Variants in SV2C observed in about 807,000 individuals in gnomAD.
SV2C encodes the protein solute carrier family 22 member B3.
Under a neutral mutation model 79.7 loss-of-function variants are expected in SV2C, and 49 were observed. That is an observed-to-expected ratio of 0.61 (90% CI 0.49 to 0.78). SV2C has a LOEUF of 0.78. Ranked by LOEUF, SV2C falls within the 30% of genes least tolerant of loss-of-function variation. The pLI, the probability that SV2C is intolerant of heterozygous loss-of-function variation, is 0.00. For synonymous variants in SV2C, 334 were observed against 333.2 expected, an observed-to-expected ratio of 1.00 and a Z score of -0.03; for missense variants, 833 against 912.9, an observed-to-expected ratio of 0.91 and a Z score of 1.13.
the SV2C span, among the ~76,000 whole-genome samples, chr5:75,968,092 C>A: frequency 7.9e-5 from 12 of 152,218 alleles, no homozygotes; most frequent in Non-Finnish European, 1.5e-4. Flanking sequence ...CAAACTCCAA[C>A]AGACCTGCAG....
At chr5:76,238,878 T>C (rs566204950) in intron 4 of SV2C, among the ~76,000 whole-genome samples, 62 of 152,332 alleles carry the variant, frequency 4.1e-4, no homozygotes, top group African/African-American at 1.5e-3. Context: ...TTCTTTCTGA[T>C]TGATTTACCC....
intron 1 of SV2C, among the ~76,000 whole-genome samples, chr5:76,090,108 A>G (rs1189923463): frequency 6.6e-6 from 1 of 152,228 alleles, no homozygotes; most frequent in East Asian, 1.9e-4. Flanking sequence ...CAGAGGATTC[A>G]GCTATGCAGT....
intron 2 of SV2C, among the ~76,000 whole-genome samples, chr5:76,165,658 C>G (rs1048884165): frequency 1.3e-5 from 2 of 151,902 alleles, no homozygotes; most frequent in African/African-American, 4.8e-5. Flanking sequence ...CCCTTGACAC[C>G]CATCGGTTGT....
chr5:76,173,974 T>C (rs1743425981), intron 2 of SV2C: 2 of 1,558,452 alleles, frequency 1.3e-6, no homozygotes, highest in African/African-American at 2.7e-5. Context: ...TTTTCATGTA[T>C]AAATCCCTCA....
chr5:75,986,890 C>T, the SV2C span, among the ~76,000 whole-genome samples: 1 of 151,992 alleles, frequency 6.6e-6, no homozygotes, highest in South Asian at 2.1e-4. Flanking sequence ...GATGCATTTG[C>T]TGTCCAGAGT....
At chr5:76,147,970 T>C (rs1198706809) in intron 2 of SV2C, among the ~76,000 whole-genome samples, 2 of 152,240 alleles carry the variant, frequency 1.3e-5, no homozygotes, top group Non-Finnish European at 2.9e-5. Flanking sequence ...CATGCTGTTA[T>C]TGCTGTCATT....
the SV2C span, among the ~76,000 whole-genome samples, chr5:75,883,131 C>T: frequency 7.0e-6 from 1 of 142,020 alleles, no homozygotes; most frequent in Non-Finnish European, 1.5e-5. Flanking sequence ...CAAATCAAAA[C>T]CACAATGAGA....
chr5:76,272,490 T>C (rs1052800446), intron 4 of SV2C, among the ~76,000 whole-genome samples: 2 of 152,254 alleles, frequency 1.3e-5, no homozygotes, highest in African/African-American at 4.8e-5. Flanking sequence ...ACAGCTACTT[T>C]GAAAAGCAGA....
chr5:75,918,228 G>A, the SV2C span, among the ~76,000 whole-genome samples: 1 of 152,142 alleles, frequency 6.6e-6, no homozygotes, highest in African/African-American at 2.4e-5. Context: ...TGATACTCAA[G>A]GAAAAGTAAC....
intron 4 of SV2C, 149 bp from the exon 5 acceptor site, chr5:76,285,013 G>T (rs1417209834): frequency 8.6e-7 from 1 of 1,168,904 alleles, no homozygotes; most frequent in Non-Finnish European, 1.2e-6. Context: ...AAGCTGAGCT[G>T]GCCACCATGG....
At chr5:76,275,636 C>T (rs948046867) in intron 4 of SV2C, among the ~76,000 whole-genome samples, 1 of 152,196 alleles carries the variant, frequency 6.6e-6, no homozygotes, top group Non-Finnish European at 1.5e-5. Context: ...TGCCTTGGCA[C>T]CTTGAAAGGT....
chr5:76,113,123 G>A (rs564296058), intron 1 of SV2C, among the ~76,000 whole-genome samples: 7 of 152,288 alleles, frequency 4.6e-5, no homozygotes, highest in Admixed American at 1.3e-4. Context: ...ATACCTATAC[G>A]CATGGAATTC....
chr5:75,982,594 C>A, the SV2C span, among the ~76,000 whole-genome samples: 1 of 152,142 alleles, frequency 6.6e-6, no homozygotes, highest in Non-Finnish European at 1.5e-5. Context: ...ACCATTCCAC[C>A]CAGCAATCCC....
intron 1 of SV2C, chr5:76,084,188 C>T (rs1365495852): frequency 2.0e-5 from 3 of 152,408 alleles, no homozygotes; most frequent in African/African-American, 4.8e-5. Context: ...GCACTTCCTA[C>T]GTTACAACGC....
At chr5:76,124,083 TC>T (rs1329872391) in intron 1 of SV2C, among the ~76,000 whole-genome samples, 1 of 152,144 alleles carries the variant, frequency 6.6e-6, no homozygotes, top group Non-Finnish European at 1.5e-5. Context: ...AGTATTACTT[TC>T]CCCCAATTTT....
At chr5:76,319,669 C>T (rs1389720747) in intron 12 of SV2C, among the ~76,000 whole-genome samples, 5 of 152,152 alleles carry the variant, frequency 3.3e-5, no homozygotes, top group South Asian at 2.1e-4. Context: ...ATGCTCCTAA[C>T]GCATCTGCCT....
chr5:76,024,590 T>C, the SV2C span, among the ~76,000 whole-genome samples: 1 of 152,156 alleles, frequency 6.6e-6, no homozygotes, highest in Admixed American at 6.6e-5. Flanking sequence ...CAGTCAATCA[T>C]TTATGTTTTG....
chr5:76,063,766 A>C, the SV2C span, among the ~76,000 whole-genome samples: 1 of 152,188 alleles, frequency 6.6e-6, no homozygotes, highest in East Asian at 1.9e-4. Context: ...ACATGTAATA[A>C]GATTTTATAA....
chr5:75,979,402 C>T, the SV2C span, among the ~76,000 whole-genome samples: 1 of 151,950 alleles, frequency 6.6e-6, no homozygotes, highest in East Asian at 1.9e-4. Flanking sequence ...CAGAATTCTC[C>T]ACCCCAAAAC....
Sources: allele counts gnomAD v4.1 joint callset (sites outside exome capture counted in the v4.1 genomes callset), GRCh38; gene constraint gnomAD v4.1.1; transcripts MANE v1.5; gene names NCBI Gene and HGNC (gene_info 2026-07-23, HGNC 2026-07-21).